The following TMEM255B variants were observed in gnomAD, a reference collection of about 807,000 sequenced individuals.
TMEM255B encodes the protein family with sequence similarity 70, member B.
A neutral mutation model predicts 34.5 loss-of-function variants in TMEM255B; 35 were observed. The observed-to-expected ratio is 1.01, with a 90% confidence interval of 0.77 to 1.34. The LOEUF (loss-of-function observed/expected upper bound fraction) is 1.34, where lower values mean the gene tolerates loss of function less well. TMEM255B is among the 40% of genes most tolerant of loss of function. The pLI, the probability that TMEM255B is intolerant of heterozygous loss-of-function variation, is 0.00. For synonymous variants in TMEM255B, 206 were observed against 201.2 expected (o/e 1.02, Z -0.20); for missense variants, 432 against 433.2 (o/e 1.00, Z 0.02).
chr13:113,803,933 G>T (rs1347060856), intron 7 of TMEM255B, among the ~76,000 whole-genome samples: 1 of 152,254 alleles, frequency 6.6e-6, no homozygotes, highest in South Asian at 2.1e-4. Context: ...TTGTCACCGT[G>T]TCCCCGGGTC....
At chr13:113,801,113 C>G (rs1024285175) in intron 6 of TMEM255B, among the ~76,000 whole-genome samples, 1 of 152,198 alleles carries the variant, frequency 6.6e-6, no homozygotes, top group South Asian at 2.1e-4. Flanking sequence ...TCACCCCCCC[C>G]ACACCCCTGC....
chr13:113,766,901 C>G (rs2050401631), intron 2 of TMEM255B, among the ~76,000 whole-genome samples: 1 of 152,158 alleles, frequency 6.6e-6, no homozygotes, highest in Non-Finnish European at 1.5e-5. Context: ...CACCCAGATT[C>G]AAAAGTATCA....
chr13:113,806,080 C>T lies in TMEM255B; in HGVS notation c.813+1052C>T, dbSNP rs572237293. 4.5e-4 allele frequency among the ~76,000 whole-genome samples: 68 copies of T among 152,290 alleles called. No individual in the cohort carries two copies. Among genetic ancestry groups the T allele is most frequent in the South Asian group, 2.9e-3 (14 of 4,828 alleles). On this transcript the variant is annotated intron_variant, in intron 8 of 8. Transcript: ENST00000375353. The surrounding 1 kb of genome is among the most constrained non-coding windows in gnomAD (Gnocchi z 4.2). ...GATATTCCACAAGAGGACCCTCTCC[C>T]GACACATGACGTTGTCAGGAAAAGA... is the stretch of plus-strand genomic sequence containing the variant.
chr13:113,759,352 G>T (rs546971917), intron 1 of TMEM255B, 37 bp downstream of exon 1: 3 of 1,228,774 alleles, frequency 2.4e-6, no homozygotes, highest in African/African-American at 1.6e-5. Context: ...CGGCTCCTGC[G>T]GGGGAGCGTG....
In TMEM255B at chr13:113,815,278, C is replaced by A. The variant is rs1484482734; in HGVS notation, c.*3375C>A. 2 of 151,676 alleles carry A rather than the reference C, an allele frequency of 1.3e-5. No individual in the cohort carries two copies. The highest frequency in any genetic ancestry group is 2.4e-5 in the African/African-American group (1 of 41,226). 9.4% of individuals were successfully genotyped at this position (151,676 alleles called of 1,614,324 possible). ...GGGTGACGGTCCGTCCACGTGGGGT[C>A]ACCGGCCACGGAGAGAGGAAGGGAC... On this transcript the variant is annotated 3_prime_UTR_variant, in exon 9 of 9. Coordinates refer to ENST00000375353, the MANE Select transcript of TMEM255B (RefSeq NM_182614.4).
In TMEM255B at chr13:113,766,273, G is replaced by GGGCGGCCTGGGCCGGGGA. The variant is rs1250631053; in HGVS notation, c.189+19_189+36dup. Reference sequence around the variant, plus strand: ...AGGGATCATTGTGAGTGCGCCGGGCGGGCGGCCTGGGCCGGGGAGGGCAGG... The same window carrying GGGCGGCCTGGGCCGGGGA: ...AGGGATCATTGTGAGTGCGCCGGGCGGGCGGCCTGGGCCGGGGAGGCGGCCTGGGCCGGGGAGGGCAGG... On this transcript the variant is annotated intron_variant, in intron 2 of 8. Coordinates refer to ENST00000375353, the MANE Select transcript of TMEM255B (RefSeq NM_182614.4). The GGGCGGCCTGGGCCGGGGA allele has an allele frequency of 3.7e-6, 6 of 1,613,408 alleles. No homozygotes were observed. Among genetic ancestry groups the GGGCGGCCTGGGCCGGGGA allele is most frequent in the Non-Finnish European group, 5.1e-6 (6 of 1,179,706 alleles).
chr13:113,778,485 A>G (rs897093676), intron 3 of TMEM255B, among the ~76,000 whole-genome samples: 1 of 148,300 alleles, frequency 6.7e-6, no homozygotes, highest in Non-Finnish European at 1.5e-5. Context: ...CATCTGCTGT[A>G]ATGATATGAC....
chr13:113,811,704 T>C, intron 8 of TMEM255B, 32 bp from the exon 9 acceptor site: 1 of 1,612,212 alleles, frequency 6.2e-7, no homozygotes, highest in Non-Finnish European at 8.5e-7. Context: ...TGGTCTCACC[T>C]GCTAACCCAG....
chr13:113,800,315 G>GTGTGTCAGGGGAGGCGTCCTC (rs536259794), intron 5 of TMEM255B, among the ~76,000 whole-genome samples: 1 of 144,696 alleles, frequency 6.9e-6, no homozygotes, highest in African/African-American at 2.7e-5. Flanking sequence ...GTGTGTGTGT[G>GTGTGTCAGGGGAGGCGTCCTC]TGTGTGTGTG....
intron 5 of TMEM255B, chr13:113,799,877 G>A (rs763113651): frequency 3.5e-5 from 37 of 1,043,252 alleles, no homozygotes; most frequent in South Asian, 5.3e-5. Flanking sequence ...CAGGACCGTC[G>A]GAGGGCACAG....
intron 5 of TMEM255B, chr13:113,799,666 C>T (rs1467421951): frequency 2.6e-5 from 17 of 655,890 alleles, no homozygotes; most frequent in African/African-American, 3.6e-5. Flanking sequence ...TCAGAGTGCA[C>T]GTGTCCAGTT....
At position 113,800,788 on chromosome 13, in the gene TMEM255B, G is replaced by A. The variant is rs1454750151; in HGVS notation, c.424-39G>A. On this transcript the variant is annotated intron_variant, in intron 5 of 8. Transcript: ENST00000375353. ...CCTTGGTGGGGTGGGTGAGGTGGTGGGCACCGGCATGTGACCTGACAAGGC... is the reference window on the plus strand; with the variant it reads ...CCTTGGTGGGGTGGGTGAGGTGGTGAGCACCGGCATGTGACCTGACAAGGC... 4 of 1,564,654 alleles carry A rather than the reference G, an allele frequency of 2.6e-6. No individual in the cohort carries two copies. In the South Asian group the frequency reaches 4.7e-5, roughly 18 times the overall value.
At chr13:113,799,932 G>A (rs2051012245) in intron 5 of TMEM255B, 1 of 1,290,090 alleles carries the variant, frequency 7.8e-7, no homozygotes, top group Admixed American at 2.3e-5. Flanking sequence ...GCCCTGTGTG[G>A]ATTCCTGGCT....
chr13:113,791,691 G>C (rs2050835167), intron 3 of TMEM255B, among the ~76,000 whole-genome samples: 1 of 152,248 alleles, frequency 6.6e-6, no homozygotes. Context: ...CAGTTGTGCG[G>C]ATTAGAAGGA....
chr13:113,806,709 C>G lies in TMEM255B; in HGVS notation c.813+1681C>G, dbSNP rs2051178711. 1.3e-5 allele frequency among the ~76,000 whole-genome samples: 2 copies of G among 152,136 alleles called. No homozygotes were observed. The highest frequency in any genetic ancestry group is 4.8e-5 in the African/African-American group (2 of 41,426). On this transcript the variant is annotated intron_variant, in intron 8 of 8. Transcript: ENST00000375353. The surrounding 1 kb of genome is among the most constrained non-coding windows in gnomAD (Gnocchi z 4.2). ...TCCTGCCCCTGCCCCAGGGACGTCCCCATCATGGCAGGGACCGTGCCCCCA... is the reference window on the plus strand; with the variant it reads ...TCCTGCCCCTGCCCCAGGGACGTCCGCATCATGGCAGGGACCGTGCCCCCA...
At chr13:113,805,758 G>A (rs893062594) in intron 8 of TMEM255B, among the ~76,000 whole-genome samples, 37 of 152,212 alleles carry the variant, frequency 2.4e-4, no homozygotes, top group Non-Finnish European at 2.9e-4. Flanking sequence ...AAACTCTCCG[G>A]ACGTGTCCCG....
At chr13:113,771,050 A>G (rs967389750) in intron 3 of TMEM255B, among the ~76,000 whole-genome samples, 1 of 152,178 alleles carries the variant, frequency 6.6e-6, no homozygotes, top group Non-Finnish European at 1.5e-5. Context: ...AAAGCACACA[A>G]TTCAATGGTT....
At chr13:113,792,588 G>A (rs146862952) in intron 3 of TMEM255B, among the ~76,000 whole-genome samples, 39 of 152,368 alleles carry the variant, frequency 2.6e-4, no homozygotes, top group African/African-American at 9.4e-4. Context: ...GCTTTGCTAT[G>A]GTGGCCGTCA....
intron 3 of TMEM255B, among the ~76,000 whole-genome samples, chr13:113,771,087 C>T (rs1222537101): frequency 1.3e-5 from 2 of 152,144 alleles, no homozygotes; most frequent in Non-Finnish European, 2.9e-5. Context: ...ATATGTGAAC[C>T]ATCAGCACAG....
Sources: allele counts gnomAD v4.1 joint callset (sites outside exome capture counted in the v4.1 genomes callset), GRCh38; gene constraint gnomAD v4.1.1; non-coding constraint Gnocchi (gnomAD v3.1); transcripts MANE v1.5; gene names NCBI Gene and HGNC (gene_info 2026-07-23, HGNC 2026-07-21).